ZMYM2: variants seen among roughly 807,000 people sequenced by gnomAD.
ZMYM2 encodes zinc finger MYM-type protein 2.
A neutral mutation model predicts 162.8 loss-of-function variants in ZMYM2; 56 were observed. That is an observed-to-expected ratio of 0.34 (90% CI 0.28 to 0.43). The LOEUF (loss-of-function observed/expected upper bound fraction) is 0.43, where lower values mean the gene tolerates loss of function less well. Ranked by LOEUF, ZMYM2 falls within the 20% of genes least tolerant of loss-of-function variation. The pLI is 1.00. For missense variants in ZMYM2, 1,275 were observed against 1,621.8 expected (o/e 0.79, Z 3.67); for synonymous variants, 510 against 541.6 (o/e 0.94, Z 0.81).
chr13:20,005,841 C>G (rs1248514510), intron 5 of ZMYM2, among the ~76,000 whole-genome samples: 1 of 152,072 alleles, frequency 6.6e-6, no homozygotes. Flanking sequence ...TCTTCTGATA[C>G]CTCTAGAGAA....
At chr13:20,028,082 AATTT>A (rs1952747943) in intron 9 of ZMYM2, 1 of 176,224 alleles carries the variant, frequency 5.7e-6, no homozygotes, top group East Asian at 9.7e-5. Flanking sequence ...GCTCTATGTT[AATTT>A]ATTTAAACTG....
the ZMYM2 span, among the ~76,000 whole-genome samples, chr13:19,897,623 G>C: frequency 0.14 from 21,157 of 150,994 alleles, 1,829 homozygotes; most frequent in African/African-American, 0.25. Context: ...ATGCAAACAA[G>C]AATAAAAAGA....
At chr13:19,926,895 T>G in the ZMYM2 span, among the ~76,000 whole-genome samples, 1 of 152,186 alleles carries the variant, frequency 6.6e-6, no homozygotes, top group Non-Finnish European at 1.5e-5. Flanking sequence ...CTCAAACTCC[T>G]GAGCTCAAGC....
chr13:19,961,025 G>A (rs1291530959), intron 2 of ZMYM2, among the ~76,000 whole-genome samples: 1 of 151,986 alleles, frequency 6.6e-6, no homozygotes, highest in African/African-American at 2.4e-5. Context: ...GCACAGTCCA[G>A]GACACTTTCC....
Position 20,019,446 on chromosome 13 carries a change from A to G in ZMYM2, c.1513-101A>G, listed in dbSNP as rs1594393159. 4 of 1,045,212 alleles carry G rather than the reference A, an allele frequency of 3.8e-6. No individual in the cohort carries two copies. In the East Asian group the frequency reaches 7.9e-5, roughly 21 times the overall value. 64.7% of individuals were successfully genotyped at this position (1,045,212 alleles called of 1,614,324 possible). A position where few individuals can be genotyped will look rare whatever the true frequency, so the allele number is the denominator to read the frequency against. On this transcript the variant is annotated intron_variant, in intron 6 of 24. Transcript: ENST00000610343. ...GTTGGAATGAGTTTGTAAGTCACAA[A>G]ATATAATTGAGAAGCAACTTTTACA... is the stretch of plus-strand genomic sequence containing the variant.
chr13:19,913,287 G>A, the ZMYM2 span, among the ~76,000 whole-genome samples: 133 of 152,148 alleles, frequency 8.7e-4, 1 homozygote, highest in African/African-American at 3.2e-3. Flanking sequence ...CCTTAACCAC[G>A]GGCCACCAAG....
chr13:19,925,706 A>C, the ZMYM2 span, among the ~76,000 whole-genome samples: 4 of 151,524 alleles, frequency 2.6e-5, no homozygotes, highest in Admixed American at 2.0e-4. Context: ...AACCCCATCT[A>C]CACTAAAATA....
intron 2 of ZMYM2, among the ~76,000 whole-genome samples, chr13:19,983,388 C>T (rs1957522305): frequency 1.3e-5 from 2 of 152,096 alleles, no homozygotes; most frequent in South Asian, 2.1e-4. Context: ...TCAGATGATC[C>T]GCCTCCCTCG....
At chr13:19,979,716 C>T (rs1957138240) in intron 2 of ZMYM2, among the ~76,000 whole-genome samples, 1 of 152,150 alleles carries the variant, frequency 6.6e-6, no homozygotes, top group East Asian at 1.9e-4. Flanking sequence ...CCAGCTGTGC[C>T]AAGAACATAG....
chr13:19,929,339 C>T, the ZMYM2 span, among the ~76,000 whole-genome samples: 6 of 151,940 alleles, frequency 3.9e-5, no homozygotes, highest in Admixed American at 1.3e-4. Context: ...CCTGGGTTCA[C>T]GCCATTCTCC....
At chr13:19,915,415 TTTTCTTTC>T in the ZMYM2 span, among the ~76,000 whole-genome samples, 34 of 148,392 alleles carry the variant, frequency 2.3e-4, no homozygotes, top group African/African-American at 3.3e-4. Context: ...CTTGCTTGCT[TTTTCTTTC>T]TTTCTTTCTT....
the ZMYM2 span, among the ~76,000 whole-genome samples, chr13:19,921,227 C>T: frequency 6.6e-6 from 1 of 152,114 alleles, no homozygotes; most frequent in African/African-American, 2.4e-5. Context: ...GCAACCTCCA[C>T]CTCCCAGGTT....
intron 3 of ZMYM2, among the ~76,000 whole-genome samples, chr13:20,000,003 A>C (rs567797315): frequency 6.6e-6 from 1 of 152,194 alleles, no homozygotes; most frequent in African/African-American, 2.4e-5. Context: ...GGGTTTCGCT[A>C]TGTTGCCCAG....
At chr13:19,952,510 T>C in the ZMYM2 span, among the ~76,000 whole-genome samples, 1 of 142,810 alleles carries the variant, frequency 7.0e-6, no homozygotes, top group African/African-American at 2.5e-5. Context: ...ATATATTCAA[T>C]TTTTTGCCAA....
intron 2 of ZMYM2, among the ~76,000 whole-genome samples, chr13:19,987,111 C>CA (rs58588019): frequency 0.26 from 10,522 of 40,754 alleles, 3,057 homozygotes; most frequent in East Asian, 0.43. Flanking sequence ...GGCTCCGTCT[C>CA]AAAAAAAAAA....
chr13:20,002,485 T>C (rs1324013793), intron 3 of ZMYM2, among the ~76,000 whole-genome samples: 1 of 152,212 alleles, frequency 6.6e-6, no homozygotes, highest in Non-Finnish European at 1.5e-5. Context: ...CATTCTTTTT[T>C]CTTTTAATTA....
intron 2 of ZMYM2, among the ~76,000 whole-genome samples, 198 bp from the exon 3 acceptor site, chr13:19,992,865 T>C (rs887449777): frequency 6.6e-6 from 1 of 151,854 alleles, no homozygotes; most frequent in African/African-American, 2.4e-5. Flanking sequence ...GCCTTCCTTG[T>C]TATCCTGCAA....
At chr13:20,058,494 G>T in intron 14 of ZMYM2, 81 bp from the exon 15 acceptor site, 4 of 1,497,714 alleles carry the variant, frequency 2.7e-6, no homozygotes, top group Non-Finnish European at 3.6e-6. Flanking sequence ...CCCTTCTTAG[G>T]ACTGAAAATC....
At chr13:19,906,363 ATGTATATATATATGTGTATATATATG>A in the ZMYM2 span, among the ~76,000 whole-genome samples, 285 of 140,232 alleles carry the variant, frequency 2.0e-3, 3 homozygotes, top group Admixed American at 0.015. Flanking sequence ...GTATATATAT[ATGTATATATATATGTGTATATATATG>A]TATGTGTGTA....
Sources: gnomAD v4.1 joint callset for allele counts (sites outside exome capture counted in the v4.1 genomes callset) on GRCh38, gnomAD v4.1.1 for gene constraint, MANE v1.5 for transcripts, NCBI Gene and HGNC (gene_info 2026-07-23, HGNC 2026-07-21) for gene names.